Variants in DGKB observed in about 807,000 individuals in gnomAD.
The protein encoded by DGKB is 90 kDa diacylglycerol kinase.
A neutral mutation model predicts 114.3 loss-of-function variants in DGKB; 67 were observed. The observed-to-expected ratio is 0.59, with a 90% CI of 0.48 to 0.72. DGKB has a LOEUF of 0.72. DGKB is among the 30% of genes least tolerant of loss of function. The pLI, the probability that DGKB is intolerant of heterozygous loss-of-function variation, is 0.00. For synonymous variants in DGKB, 398 were observed against 323.1 expected (o/e 1.23, Z -2.49); for missense variants, 907 against 975.2 (o/e 0.93, Z 0.93).
intron 21 of DGKB, among the ~76,000 whole-genome samples, chr7:14,416,678 T>G (rs148818170): frequency 6.6e-6 from 1 of 152,260 alleles, no homozygotes; most frequent in African/African-American, 2.4e-5. Context: ...TTCTTTCTTG[T>G]GTGCTGCCAC....
rs531721329 is a variant in DGKB, at chr7:14,556,666, G to A, written c.1770+17546C>T. 1.8e-4 allele frequency among the ~76,000 whole-genome samples: 28 copies of A among 152,072 alleles called. 1 individual carries two copies. The South Asian group carries it at 5.2e-3, about 28-fold the overall frequency. ...CAAATAATTGTAGTAATATTGACCC[G>A]TTTTGGCTTTCTTGAAATAAACCCT... On this transcript the variant is annotated intron_variant, in intron 20 of 25. Transcript: ENST00000402815.
intron 21 of DGKB, among the ~76,000 whole-genome samples, chr7:14,474,655 C>CA (rs1563267992): frequency 6.6e-6 from 1 of 150,838 alleles, no homozygotes; most frequent in African/African-American, 2.4e-5. Flanking sequence ...TCCTTTTTTT[C>CA]AAAAAAGGAA....
chr7:14,341,548 T>G (rs1811601357), intron 22 of DGKB, among the ~76,000 whole-genome samples: 1 of 151,896 alleles, frequency 6.6e-6, no homozygotes, highest in Non-Finnish European at 1.5e-5. Context: ...ATATTTTTAT[T>G]AGGTAGAAAA....
intron 23 of DGKB, among the ~76,000 whole-genome samples, chr7:14,208,711 C>T (rs759654183): frequency 6.6e-6 from 1 of 151,944 alleles, no homozygotes; most frequent in Non-Finnish European, 1.5e-5. Context: ...CATTTTTCTG[C>T]ATTCTAGCCT....
intron 1 of DGKB, among the ~76,000 whole-genome samples, chr7:14,878,390 C>A (rs534272684): frequency 6.6e-6 from 1 of 152,088 alleles, no homozygotes; most frequent in Non-Finnish European, 1.5e-5. Flanking sequence ...ACATTTCACT[C>A]CATAATTCGA....
At chr7:14,557,669 C>G (rs1398966639) in intron 20 of DGKB, among the ~76,000 whole-genome samples, 1 of 151,888 alleles carries the variant, frequency 6.6e-6, no homozygotes, top group African/African-American at 2.4e-5. Flanking sequence ...AGAAAATCTT[C>G]ATATATTTGT....
rs185960999 is a variant in DGKB, at chr7:14,791,414, T to C, written c.71-33683A>G. Among the ~76,000 whole-genome samples the C allele has an allele frequency of 2.7e-3, 376 of 141,754 alleles. 1 individual carries two copies. Among genetic ancestry groups the C allele is most frequent in the African/African-American group, 0.011 (361 of 31,770 alleles). 93.0% of individuals were successfully genotyped at this position (141,754 alleles called of 152,430 possible). ...TCTGATATAATTTTTTTATTTTCTT[T>C]ACTTGTCTTATTGCACTGGCTAGAA... On this transcript the variant is annotated intron_variant, in intron 2 of 25. Coordinates refer to ENST00000402815, the MANE Select transcript of DGKB (RefSeq NM_001350709.2).
intron 23 of DGKB, among the ~76,000 whole-genome samples, chr7:14,309,302 T>C (rs1233376982): frequency 2.6e-5 from 4 of 152,204 alleles, no homozygotes; most frequent in African/African-American, 4.8e-5. Context: ...GGTTAGCACA[T>C]AGTAGATCTC....
rs777276154 is a variant in DGKB at position 14,925,864 on chromosome 7, G to GC, written c.-188+48831_-188+48832insG. Among the ~76,000 whole-genome samples, 308 of 137,838 alleles carry GC rather than the reference G, an allele frequency of 2.2e-3. 1 individual carries two copies. The highest frequency in any genetic ancestry group is 7.9e-3 in the African/African-American group (294 of 37,154). 90.4% of individuals were successfully genotyped at this position (137,838 alleles called of 152,430 possible). A position where few individuals can be genotyped will look rare whatever the true frequency, so the allele number is the denominator to read the frequency against. Reference sequence around the variant, plus strand: ...GTCATTTGCAAATAGGAATAATTGGGTCCCCCCCCCACTTCCAGTATGCAT... The same window carrying GC: ...GTCATTTGCAAATAGGAATAATTGGGCTCCCCCCCCCACTTCCAGTATGCAT... On this transcript the variant is annotated intron_variant, in intron 1 of 4. Coordinates refer to the DGKB transcript ENST00000437998.
intron 1 of DGKB, among the ~76,000 whole-genome samples, chr7:14,865,297 G>A (rs545699798): frequency 2.0e-5 from 3 of 152,286 alleles, no homozygotes; most frequent in Admixed American, 6.5e-5. Context: ...GGGCGCCCTT[G>A]CCATCTGGGT....
rs372656791 is a variant in DGKB at position 14,722,597 on chromosome 7, A to G, written c.323-3912T>C. On this transcript the variant is annotated intron_variant, in intron 5 of 25. Transcript: ENST00000402815. ...GGGAAGCCGAGGTGGGAGGATCACA[A>G]GGTGAAGAGATCGAGAACATCCTGG... 1.4e-4 allele frequency among the ~76,000 whole-genome samples: 21 copies of G among 152,264 alleles called. 1 individual carries two copies. In the East Asian group the frequency reaches 3.1e-3, roughly 22 times the overall value.
At chr7:14,643,759 C>A (rs567187921) in intron 13 of DGKB, among the ~76,000 whole-genome samples, 39 of 152,284 alleles carry the variant, frequency 2.6e-4, no homozygotes, top group Non-Finnish European at 4.9e-4. Context: ...CACCACATGT[C>A]CATGTGCAAT....
chr7:14,695,704 T>C (rs1410482019), intron 8 of DGKB, among the ~76,000 whole-genome samples: 2 of 151,840 alleles, frequency 1.3e-5, no homozygotes, highest in African/African-American at 4.8e-5. Flanking sequence ...ACACAGGGTT[T>C]CACCATGTTA....
intron 23 of DGKB, among the ~76,000 whole-genome samples, chr7:14,216,115 T>A (rs1354898848): frequency 2.0e-5 from 3 of 152,116 alleles, no homozygotes; most frequent in African/African-American, 7.2e-5. Flanking sequence ...AATGAAGATA[T>A]ACGATTGTAA....
chr7:14,440,582 A>C (rs887194668), intron 21 of DGKB, among the ~76,000 whole-genome samples: 2 of 152,186 alleles, frequency 1.3e-5, no homozygotes, highest in African/African-American at 4.8e-5. Flanking sequence ...AAATTCCTTC[A>C]TTGTCACTGC....
chr7:14,707,100 A>T (rs1376750708), intron 6 of DGKB, among the ~76,000 whole-genome samples: 8 of 138,654 alleles, frequency 5.8e-5, no homozygotes, highest in African/African-American at 1.4e-4. Flanking sequence ...AGAGAGAAGA[A>T]TCAAATAGAC....
intron 23 of DGKB, among the ~76,000 whole-genome samples, chr7:14,229,919 T>C (rs1791449657): frequency 6.6e-6 from 1 of 151,974 alleles, no homozygotes; most frequent in African/African-American, 2.4e-5. Flanking sequence ...AATGCAAAAG[T>C]CAATGTAGTT....
chr7:14,659,511 A>G (rs557706782), intron 13 of DGKB, among the ~76,000 whole-genome samples: 2 of 149,454 alleles, frequency 1.3e-5, no homozygotes, highest in South Asian at 2.1e-4. Context: ...ATGGGAGTTC[A>G]CTCATGATTT....
chr7:14,558,603 GAT>G (rs1453776207), intron 20 of DGKB, among the ~76,000 whole-genome samples: 13 of 152,148 alleles, frequency 8.5e-5, no homozygotes, highest in African/African-American at 3.1e-4. Flanking sequence ...ATTGTTCATG[GAT>G]ATTCCAGAAA....
Sources: allele counts gnomAD v4.1 joint callset (sites outside exome capture counted in the v4.1 genomes callset), GRCh38; gene constraint gnomAD v4.1.1; transcripts MANE v1.5; gene names NCBI Gene and HGNC (gene_info 2026-07-23, HGNC 2026-07-21).